The following GARRE1 variants were observed in gnomAD, a reference collection of about 807,000 sequenced individuals.
GARRE1 encodes granule associated Rac and RHOG effector protein 1.
In GARRE1, 49 loss-of-function variants were observed where a neutral mutation model predicts 103.2. That is an observed-to-expected ratio of 0.47 (90% CI 0.38 to 0.60). GARRE1 has a LOEUF of 0.60. Among genes scored for constraint, GARRE1 ranks in the 20% least tolerant of loss-of-function variants. GARRE1 has a pLI of 0.00. For synonymous variants in GARRE1, 505 were observed against 532.8 expected (o/e 0.95, Z 0.72); for missense variants, 1,199 against 1,370.5 (o/e 0.87, Z 1.98).
chr19:34,321,052 T>C (rs2074085816), intron 3 of GARRE1, among the ~76,000 whole-genome samples: 1 of 30,748 alleles, frequency 3.3e-5, no homozygotes, highest in African/African-American at 4.0e-4. Context: ...ACAAGATTCT[T>C]TTTTTTTTTT....
chr19:34,293,496 A>G (rs1379249120), intron 1 of GARRE1, among the ~76,000 whole-genome samples: 1 of 151,438 alleles, frequency 6.6e-6, no homozygotes, highest in Non-Finnish European at 1.5e-5. Flanking sequence ...TTCAGGCTCA[A>G]GTGATCCTCC....
intron 3 of GARRE1, among the ~76,000 whole-genome samples, chr19:34,323,018 CTTTTCTTT>C (rs2074096274): frequency 3.2e-5 from 3 of 94,876 alleles, no homozygotes; most frequent in Admixed American, 1.1e-4. Context: ...CAAAGTATTT[CTTTTCTTT>C]TTTTTTTTTT....
At chr19:34,321,223 ATTTTTTTTTT>A (rs71165648) in intron 3 of GARRE1, among the ~76,000 whole-genome samples, 11,107 of 77,464 alleles carry the variant, frequency 0.14, 873 homozygotes, top group South Asian at 0.28. Context: ...AGCCCGGCTA[ATTTTTTTTTT>A]TTTTTTTTTT....
intron 2 of GARRE1, among the ~76,000 whole-genome samples, chr19:34,303,561 G>A (rs1325906866): frequency 6.6e-6 from 1 of 152,182 alleles, no homozygotes; most frequent in Non-Finnish European, 1.5e-5. Flanking sequence ...TCTATGAAGG[G>A]CAGACAGAAA....
rs60648933 is a variant in GARRE1 at position 34,327,154 on chromosome 19, C to CAAAAT, written c.706-239_706-235dup. Among the ~76,000 whole-genome samples, 1,183 of 148,716 alleles carry CAAAAT rather than the reference C, an allele frequency of 8.0e-3. 17 individuals are homozygous for CAAAAT. The highest frequency in any genetic ancestry group is 0.021 in the African/African-American group (861 of 40,246). ...AGGGTGACAGAGTAAGACCTTGTCT[C>CAAAAT]AAAATAAAATAAAATAAAATAAAAT... On this transcript the variant is annotated intron_variant, in intron 3 of 13. Transcript: ENST00000299505.
rs926606505 is a variant in GARRE1 at position 34,351,216 on chromosome 19, A to AAAT, written c.2826-277_2826-275dup. On this transcript the variant is annotated intron_variant, in intron 12 of 13. Transcript: ENST00000299505. ...AGTCTCAAAAAAAAAAAAAAAAATAAAATAATAATAATAATAATAATAAAG... is the reference window on the plus strand; with the variant it reads ...AGTCTCAAAAAAAAAAAAAAAAATAAAATAATAATAATAATAATAATAATAAAG... Among the ~76,000 whole-genome samples, 178 of 149,276 alleles carry AAAT rather than the reference A, an allele frequency of 1.2e-3. 1 individual carries two copies. Among genetic ancestry groups the AAAT allele is most frequent in the South Asian group, 2.7e-3 (13 of 4,746 alleles).
intron 1 of GARRE1, among the ~76,000 whole-genome samples, chr19:34,262,721 T>C (rs1342282915): frequency 1.3e-5 from 2 of 152,192 alleles, no homozygotes; most frequent in Non-Finnish European, 2.9e-5. Context: ...TCTGACTTCA[T>C]GAAAAACCAC....
Position 34,322,626 on chromosome 19 carries a change from C to T in GARRE1, c.705+2510C>T, listed in dbSNP as rs1178143912. The stretch of plus-strand genomic sequence containing the variant: ...TTTTTGAGACGGAGTCTTGCTCCTT[C>T]GCCCAGGCTGGAGTGCAGTGGCGCA... On this transcript the variant is annotated intron_variant, in intron 3 of 13. Coordinates refer to ENST00000299505, the MANE Select transcript of GARRE1 (RefSeq NM_014686.5). 6.6e-5 allele frequency among the ~76,000 whole-genome samples: 10 copies of T among 152,000 alleles called. No individual in the cohort carries two copies. In the East Asian group the frequency reaches 7.8e-4, roughly 12 times the overall value.
At chr19:34,296,635 C>G in intron 1 of GARRE1, 1 of 1,129,444 alleles carries the variant, frequency 8.9e-7, no homozygotes, top group Non-Finnish European at 1.3e-6. Context: ...AACCTGGGGT[C>G]CATCCACTTA....
At chr19:34,302,549 G>C (rs775785077) in intron 2 of GARRE1, among the ~76,000 whole-genome samples, 1 of 151,026 alleles carries the variant, frequency 6.6e-6, no homozygotes, top group Non-Finnish European at 1.5e-5. Context: ...CTGCCTCAGC[G>C]TCCCAAAGTG....
chr19:34,352,938 TA>T lies in GARRE1; in HGVS notation c.3197del (p.Tyr1066PhefsTer25). The T allele has an allele frequency of 6.5e-7, 1 of 1,527,056 alleles. No individual in the cohort carries two copies. Among genetic ancestry groups the T allele is most frequent in the Non-Finnish European group, 8.8e-7 (1 of 1,133,218 alleles). 94.6% of individuals were successfully genotyped at this position (1,527,056 alleles called of 1,614,324 possible). A position where few individuals can be genotyped will look rare whatever the true frequency, so the allele number is the denominator to read the frequency against. ...FPGKGERRPA[Y>X]LPQY ...TGGGAAGGGTGAGCGCAGGCCAGCC[TA>T]TCTGCCCCAGTACTGACCCCAGGCC... On this transcript the variant is annotated frameshift_variant, in exon 14 of 14. Transcript: ENST00000299505. LOFTEE classifies it high-confidence loss of function.
intron 1 of GARRE1, among the ~76,000 whole-genome samples, chr19:34,262,315 T>TTTTTTTTTTTTTTTTTTG (rs1180314605): frequency 7.0e-6 from 1 of 143,836 alleles, no homozygotes; most frequent in Non-Finnish European, 1.5e-5. Context: ...TTTTTTTTTT[T>TTTTTTTTTTTTTTTTTTG]GAGGCGGAGT....
At chr19:34,272,939 T>TA (rs2073796331) in intron 1 of GARRE1, among the ~76,000 whole-genome samples, 1 of 152,190 alleles carries the variant, frequency 6.6e-6, no homozygotes, top group African/African-American at 2.4e-5. Context: ...TGTGATGGCT[T>TA]ACGCCTGTAA....
At chr19:34,259,774 G>T (rs1300792189) in intron 1 of GARRE1, among the ~76,000 whole-genome samples, 1 of 152,086 alleles carries the variant, frequency 6.6e-6, no homozygotes, top group East Asian at 1.9e-4. Context: ...ATCTTGAATT[G>T]TAGTTCCCAT....
intron 1 of GARRE1, among the ~76,000 whole-genome samples, chr19:34,293,836 G>A (rs1005036677): frequency 7.6e-5 from 10 of 130,908 alleles, no homozygotes; most frequent in Non-Finnish European, 1.5e-4. Context: ...TCAGCTCACT[G>A]CAACCTCCGC....
At position 34,327,439 on chromosome 19, in the gene GARRE1, GAA is replaced by G; in HGVS notation, c.726_727del (p.Gly244LeufsTer2). The G allele has an allele frequency of 6.2e-7, 1 of 1,614,072 alleles. No homozygotes were observed. The highest frequency in any genetic ancestry group is 8.5e-7 in the Non-Finnish European group (1 of 1,179,996). On this transcript the variant is annotated frameshift_variant, in exon 4 of 14. Transcript: ENST00000299505. LOFTEE classifies it high-confidence loss of function. ...GTTACAGGCGACATCTAGACTAAGA[GAA>G]AGAGGCTGTGATGGTTGCCTGGCAG... ...GAAEATSRLR[E>X]RGCDGCLAGI...
In GARRE1 at chr19:34,300,677, C is replaced by T; in HGVS notation, c.204C>T (p.Pro68=). 1 of 1,614,064 alleles carries T rather than the reference C, an allele frequency of 6.2e-7. No individual in the cohort carries two copies. The highest frequency in any genetic ancestry group is 8.5e-7 in the Non-Finnish European group (1 of 1,180,018). The part of the protein sequence containing the change: ...TAAGSCHHAM[P]HTTPIADIQQ... Reference sequence around the variant, plus strand: ...CAGGCAGCTGCCACCATGCCATGCCCCACACTACTCCTATCGCCGACATCC... The same window carrying T: ...CAGGCAGCTGCCACCATGCCATGCCTCACACTACTCCTATCGCCGACATCC... The change falls in exon 2 of 14, where the codon CCC becomes CCT. Residue 68 remains proline, a synonymous_variant. Transcript: ENST00000299505.
intron 6 of GARRE1, 68 bp from the exon 7 acceptor site, chr19:34,330,121 T>C: frequency 7.1e-7 from 1 of 1,399,832 alleles, no homozygotes. Flanking sequence ...ATAAATGCAT[T>C]TTTACAAATT....
At chr19:34,292,624 G>C (rs367666887) in intron 1 of GARRE1, among the ~76,000 whole-genome samples, 40 of 152,076 alleles carry the variant, frequency 2.6e-4, no homozygotes, top group African/African-American at 9.7e-4. Flanking sequence ...TACCCAGGCT[G>C]GAGCACAGTG....
Sources: gnomAD v4.1 joint callset for allele counts (sites outside exome capture counted in the v4.1 genomes callset) on GRCh38, gnomAD v4.1.1 for gene constraint, MANE v1.5 for transcripts, NCBI Gene and HGNC (gene_info 2026-07-23, HGNC 2026-07-21) for gene names.